The following PTPRJ variants were observed in gnomAD, a reference collection of about 807,000 sequenced individuals.
PTPRJ encodes protein tyrosine phosphatase receptor type J.
A neutral mutation model predicts 141.3 loss-of-function variants in PTPRJ; 129 were observed. The observed-to-expected ratio is 0.91, with a 90% CI of 0.79 to 1.06. The LOEUF (loss-of-function observed/expected upper bound fraction) is 1.06, where lower values mean the gene tolerates loss of function less well. Among genes scored for constraint, PTPRJ ranks in the 50% least tolerant of loss-of-function variants. The probability of loss-of-function intolerance (pLI) is 0.00; values close to 1 mark genes in which losing one functional copy is unlikely to be tolerated. For synonymous variants in PTPRJ, 610 were observed against 640.5 expected (o/e 0.95, Z 0.72); for missense variants, 1,601 against 1,679.7 (o/e 0.95, Z 0.82).
chr11:48,120,868 G>A, intron 3 of PTPRJ, 135 bp from the exon 4 acceptor site: 1 of 744,938 alleles, frequency 1.3e-6, no homozygotes, highest in Non-Finnish European at 2.2e-6. Flanking sequence ...CTGGTGCAGG[G>A]AAGTCTAGGA....
Position 47,980,926 on chromosome 11 carries a change from C to A in PTPRJ, c.14C>A (p.Ala5Glu). The change falls in exon 1 of 25, where the codon GCG (alanine) becomes GAG (glutamate). Residue 5 changes from alanine to glutamate, a missense_variant. Coordinates refer to ENST00000418331, the MANE Select transcript of PTPRJ (RefSeq NM_002843.4). ...GGCGCGCGGGGCATGAAGCCGGCGGCGCGGGAGGCGCGGCTGCCTCCGCGC... is the reference window on the plus strand; with the variant it reads ...GGCGCGCGGGGCATGAAGCCGGCGGAGCGGGAGGCGCGGCTGCCTCCGCGC... MKPAAREARLPPRSP... is the reference protein window; with the variant it reads MKPAEREARLPPRSP... 5.1e-6 allele frequency: 6 copies of A among 1,173,772 alleles called. No homozygotes were observed. Among genetic ancestry groups the A allele is most frequent in the Non-Finnish European group, 6.3e-6 (6 of 951,526 alleles). The allele number at this position is 1,173,772 out of a possible 1,614,324, so 72.7% of individuals were successfully genotyped here.
intron 19 of PTPRJ, among the ~76,000 whole-genome samples, chr11:48,155,003 G>A (rs1178624853): frequency 2.0e-5 from 3 of 152,124 alleles, no homozygotes; most frequent in African/African-American, 7.2e-5. Context: ...AGGAGGGTGA[G>A]GTAGTACAAT....
chr11:48,043,665 C>T (rs766451551), intron 1 of PTPRJ, among the ~76,000 whole-genome samples: 2 of 152,130 alleles, frequency 1.3e-5, no homozygotes, highest in Non-Finnish European at 2.9e-5. Context: ...GAGTCTCCCC[C>T]ACCCCCAAAG....
chr11:48,028,117 G>A (rs1207907130), intron 1 of PTPRJ, among the ~76,000 whole-genome samples: 1 of 152,194 alleles, frequency 6.6e-6, no homozygotes, highest in East Asian at 1.9e-4. Context: ...AGCCATAAGT[G>A]GTCTCACCTT....
intron 7 of PTPRJ, 48 bp downstream of exon 7, chr11:48,128,091 G>A (rs776876357): frequency 1.3e-5 from 21 of 1,570,896 alleles, no homozygotes; most frequent in South Asian, 9.2e-5. Context: ...GTCCTGCTCC[G>A]TGCCAGGCCC....
intron 14 of PTPRJ, among the ~76,000 whole-genome samples, chr11:48,146,620 G>T (rs73468842): frequency 0.016 from 2,376 of 152,290 alleles, 74 homozygotes; most frequent in African/African-American, 0.055. Flanking sequence ...GAGAGGAACA[G>T]TAACTTTCTC....
At chr11:48,138,513 A>G (rs958130451) in intron 10 of PTPRJ, among the ~76,000 whole-genome samples, 1 of 152,164 alleles carries the variant, frequency 6.6e-6, no homozygotes, top group Admixed American at 6.5e-5. Context: ...GTGACATTCA[A>G]TTAATGATAA....
intron 1 of PTPRJ, among the ~76,000 whole-genome samples, chr11:47,989,544 C>T (rs1380353097): frequency 1.3e-5 from 2 of 151,820 alleles, no homozygotes; most frequent in African/African-American, 4.8e-5. Flanking sequence ...TCCCAAAGTG[C>T]TGAGATTACA....
chr11:48,144,734 T>C lies in PTPRJ; in HGVS notation c.2635T>C (p.Ser879Pro), dbSNP rs1356224829. ...GTATGAGGATTTCAAAAAGGGAGCC[T>C]CAGATACTTATGTGACATACCTCAT... ...YTYEDFKKGA[S>P]DTYVTYLIRT... The change falls in exon 13 of 25, where the codon TCA becomes CCA. Residue 879 changes from serine to proline, a missense_variant. Physicochemically the swap from Ser to Pro is moderately conservative, Grantham distance 74. Coordinates refer to ENST00000418331, the MANE Select transcript of PTPRJ (RefSeq NM_002843.4). The C allele has an allele frequency of 6.2e-7, 1 of 1,614,186 alleles. No individual in the cohort carries two copies. The highest frequency in any genetic ancestry group is 8.5e-7 in the Non-Finnish European group (1 of 1,180,006).
intron 1 of PTPRJ, among the ~76,000 whole-genome samples, chr11:48,053,478 A>AT (rs992416866): frequency 1.8e-5 from 2 of 112,068 alleles, no homozygotes; most frequent in African/African-American, 4.3e-5. Flanking sequence ...ATATATAAAA[A>AT]ATATATATAA....
chr11:48,052,160 C>A (rs1052294603), intron 1 of PTPRJ, among the ~76,000 whole-genome samples: 1 of 152,194 alleles, frequency 6.6e-6, no homozygotes, highest in Non-Finnish European at 1.5e-5. Flanking sequence ...CAGGATGGGG[C>A]TAAATTTAGA....
At chr11:48,122,056 ATTTCT>A (rs761482454) in intron 4 of PTPRJ, among the ~76,000 whole-genome samples, 15 of 152,324 alleles carry the variant, frequency 9.8e-5, no homozygotes, top group Admixed American at 2.6e-4. Context: ...TCAGGAAACT[ATTTCT>A]TTAAACAAAA....
intron 24 of PTPRJ, among the ~76,000 whole-genome samples, chr11:48,165,012 A>G (rs528772122): frequency 1.3e-5 from 2 of 152,340 alleles, no homozygotes; most frequent in Admixed American, 1.3e-4. Context: ...ATTACCCAAT[A>G]CAAGTGACAT....
chr11:48,038,016 C>T (rs35147384), intron 1 of PTPRJ, among the ~76,000 whole-genome samples: 3,571 of 151,172 alleles, frequency 0.024, 56 homozygotes, highest in Non-Finnish European at 0.035. Context: ...TTCAGATCAT[C>T]CTTCTTTGCT....
intron 1 of PTPRJ, among the ~76,000 whole-genome samples, chr11:48,037,969 C>G (rs995289570): frequency 6.6e-6 from 1 of 151,896 alleles, no homozygotes; most frequent in Admixed American, 6.6e-5. Flanking sequence ...TCTCTTTCCT[C>G]CACGTTGCTA....
chr11:47,980,761 A>T lies in PTPRJ; in HGVS notation c.-152A>T. 2 of 1,018,578 alleles carry T rather than the reference A, an allele frequency of 2.0e-6. No individual in the cohort carries two copies. Among genetic ancestry groups the T allele is most frequent in the Non-Finnish European group, 2.3e-6 (2 of 854,228 alleles). The allele number at this position is 1,018,578 out of a possible 1,614,324, so 63.1% of individuals were successfully genotyped here. A position where few individuals can be genotyped will look rare whatever the true frequency, so the allele number is the denominator to read the frequency against. On this transcript the variant is annotated 5_prime_UTR_variant, in exon 1 of 25. It adds an upstream start codon to the 5' untranslated region. Coordinates refer to ENST00000418331, the MANE Select transcript of PTPRJ (RefSeq NM_002843.4). ...GCCGCCGCTGCCATGTCTCCGGGGAAGCCCGGGGCGGGCGGAGCGGGGACG... is the reference window on the plus strand; with the variant it reads ...GCCGCCGCTGCCATGTCTCCGGGGATGCCCGGGGCGGGCGGAGCGGGGACG...
intron 1 of PTPRJ, among the ~76,000 whole-genome samples, chr11:47,992,790 T>G (rs1409363651): frequency 6.6e-6 from 1 of 152,204 alleles, no homozygotes; most frequent in Non-Finnish European, 1.5e-5. Context: ...GTAAGTATTG[T>G]AAAAATACCA....
At chr11:47,997,614 G>C (rs578214734) in intron 1 of PTPRJ, among the ~76,000 whole-genome samples, 1 of 152,238 alleles carries the variant, frequency 6.6e-6, no homozygotes, top group East Asian at 1.9e-4. Flanking sequence ...TACTTTTCCT[G>C]TCTGGGTGGG....
At chr11:48,076,977 C>T (rs1308120467) in intron 1 of PTPRJ, among the ~76,000 whole-genome samples, 1 of 152,124 alleles carries the variant, frequency 6.6e-6, no homozygotes, top group Non-Finnish European at 1.5e-5. Context: ...AAGTGATTCT[C>T]CTGCCTCAGC....
Sources: gnomAD v4.1 joint callset for allele counts (sites outside exome capture counted in the v4.1 genomes callset) on GRCh38, gnomAD v4.1.1 for gene constraint, MANE v1.5 for transcripts, NCBI Gene and HGNC (gene_info 2026-07-23, HGNC 2026-07-21) for gene names.